MTRR: variants seen among roughly 807,000 people sequenced by gnomAD.
The protein encoded by MTRR is 5-methyltetrahydrofolate-homocysteine methyltransferase reductase.
Under a neutral mutation model 79.2 loss-of-function variants are expected in MTRR, and 63 were observed. The observed-to-expected ratio is 0.80, with a 90% CI of 0.65 to 0.98. The LOEUF (loss-of-function observed/expected upper bound fraction) is 0.98. MTRR is among the 50% of genes least tolerant of loss of function. The pLI, the probability that MTRR is intolerant of heterozygous loss-of-function variation, is 0.00. For synonymous variants in MTRR, 355 were observed against 313.3 expected (o/e 1.13, Z -1.41); for missense variants, 895 against 839.6 (o/e 1.07, Z -0.82).
At chr5:7,851,150 T>A, upstream of MTRR, 1 of 1,140,174 alleles carries the variant, frequency 8.8e-7, no homozygotes, top group Non-Finnish European at 1.1e-6. Flanking sequence ...GGTCGTTGCC[T>A]GGAAACCGCC....
intron 11 of MTRR, among the ~76,000 whole-genome samples, chr5:7,893,858 C>T (rs1219852907): frequency 2.0e-5 from 3 of 152,144 alleles, no homozygotes; most frequent in African/African-American, 7.2e-5. Flanking sequence ...CAGTCTGCTG[C>T]CTGGAACAGA....
intron 14 of MTRR, among the ~76,000 whole-genome samples, chr5:7,899,704 C>T (rs780350834): frequency 2.3e-4 from 35 of 152,130 alleles, no homozygotes; most frequent in Non-Finnish European, 3.5e-4. Flanking sequence ...GCTGTAGAAC[C>T]GTGTGGTCAG....
chr5:7,863,480 T>G (rs891750881), intron 2 of MTRR, among the ~76,000 whole-genome samples: 2 of 152,220 alleles, frequency 1.3e-5, no homozygotes, highest in African/African-American at 4.8e-5. Flanking sequence ...AAAATGCTCA[T>G]GAAGCATTCT....
In MTRR at chr5:7,889,165, G is replaced by A. The variant is rs1737126474; in HGVS notation, c.1217G>A (p.Ser406Asn). The stretch of plus-strand genomic sequence containing the variant: ...AAGCGCAGGCTACAGGAGCTGTGCA[G>A]TAAACAAGGGGCAGCCGATTATAGC... The part of the protein sequence containing the change: ...AEKRRLQELC[S>N]KQGAADYSRF... The change falls in exon 9 of 15, where the codon AGT becomes AAT. Residue 406 changes from serine (S) to asparagine (N), a missense_variant. Ser to Asn is a conservative substitution (Grantham distance 46, BLOSUM62 1). Transcript: ENST00000440940. The A allele has an allele frequency of 1.2e-6, 2 of 1,614,020 alleles. No homozygotes were observed. Among genetic ancestry groups the A allele is most frequent in the Non-Finnish European group, 8.5e-7 (1 of 1,180,050 alleles).
At chr5:7,898,979 G>A (rs919231013) in intron 14 of MTRR, among the ~76,000 whole-genome samples, 1 of 152,114 alleles carries the variant, frequency 6.6e-6, no homozygotes. Context: ...CCTGCTTCTG[G>A]TGAAGACCCC....
upstream of MTRR, chr5:7,866,897 A>G (rs570525633): frequency 6.2e-7 from 1 of 1,614,216 alleles, no homozygotes; most frequent in African/African-American, 1.3e-5. Flanking sequence ...TTGGCAAACA[A>G]AAGTTTCTGC....
Position 7,885,817 on chromosome 5 carries a change from C to T in MTRR, c.1020C>T (p.Cys340=), listed in dbSNP as rs201348649. 1.0e-4 allele frequency: 163 copies of T among 1,613,922 alleles called. 2 individuals carry two copies. The highest frequency in any genetic ancestry group is 2.2e-5 in the East Asian group (1 of 44,878). The part of the protein sequence containing the change: ...RLQLEDKREH[C]VLLKIKADTK... Reference sequence around the variant, plus strand: ...AGCTTGAAGATAAAAGAGAGCACTGCGTCCTTTTGAAAATAAAGGCAGACA... The same window carrying T: ...AGCTTGAAGATAAAAGAGAGCACTGTGTCCTTTTGAAAATAAAGGCAGACA... The change falls in exon 7 of 15, where the codon TGC becomes TGT. Residue 340 remains cysteine (C), a synonymous_variant. Coordinates refer to ENST00000440940, the MANE Select transcript of MTRR (RefSeq NM_002454.3).
intron 1 of MTRR, chr5:7,856,784 T>A (rs1186026647): frequency 6.6e-6 from 1 of 151,640 alleles, no homozygotes; most frequent in Admixed American, 6.6e-5. Flanking sequence ...ATTTTTTTTT[T>A]AGGAGGAACT....
chr5:7,867,023 G>A, upstream of MTRR: 2 of 1,614,150 alleles, frequency 1.2e-6, no homozygotes, highest in Non-Finnish European at 1.7e-6. Flanking sequence ...ATGCTCTAGG[G>A]CTTTTGTAAA....
At chr5:7,878,980 T>C (rs758907848) in intron 5 of MTRR, among the ~76,000 whole-genome samples, 4 of 152,244 alleles carry the variant, frequency 2.6e-5, no homozygotes, top group African/African-American at 4.8e-5. Flanking sequence ...TTTTTTTTAA[T>C]GAAGACAGAT....
Position 7,862,805 on chromosome 5 carries a change from A to G in MTRR, n.498+748A>G, listed in dbSNP as rs757289858. On this transcript the variant is annotated intron_variant and non_coding_transcript_variant, in intron 2 of 3. Coordinates refer to the MTRR transcript ENST00000502509. ...GGATGCTTAGGTTTAAAACAACAAA[A>G]CTCCTTATACTACTTACCTATTGTA... 9.4e-6 allele frequency: 15 copies of G among 1,592,962 alleles called. No individual in the cohort carries two copies. The African/African-American group carries it at 1.9e-4, about 20-fold the overall frequency.
upstream of MTRR, chr5:7,868,041 C>G (rs1433282889): frequency 6.2e-7 from 1 of 1,612,892 alleles, no homozygotes; most frequent in Non-Finnish European, 8.5e-7. Context: ...ATCTGAAAAT[C>G]AGATAAACGA....
intron 2 of MTRR, among the ~76,000 whole-genome samples, chr5:7,863,963 A>ACTCAGAGTCCAGAGTAGCTGGGACTAT (rs1746746404): frequency 6.6e-6 from 1 of 152,032 alleles, no homozygotes; most frequent in Non-Finnish European, 1.5e-5. Flanking sequence ...GATTCTCCTA[A>ACTCAGAGTCCAGAGTAGCTGGGACTAT]CTCAGAGTCC....
At chr5:7,869,004 G>T, upstream of MTRR, 2 of 1,052,812 alleles carry the variant, frequency 1.9e-6, no homozygotes, top group East Asian at 4.8e-5. Flanking sequence ...AATCACTCCG[G>T]GTGGTCGCGG....
intron 5 of MTRR, among the ~76,000 whole-genome samples, chr5:7,881,318 CCG>C (rs1735555278): frequency 6.6e-6 from 1 of 151,912 alleles, no homozygotes; most frequent in Non-Finnish European, 1.5e-5. Context: ...GCTTTAGTGG[CCG>C]AGTGTGTCGC....
intron 10 of MTRR, among the ~76,000 whole-genome samples, chr5:7,891,946 G>A (rs1472514820): frequency 1.3e-5 from 2 of 152,180 alleles, no homozygotes; most frequent in African/African-American, 2.4e-5. Flanking sequence ...GGAGGCTGAG[G>A]TGGGAGAATG....
At chr5:7,878,913 G>C (rs1180524752) in intron 5 of MTRR, among the ~76,000 whole-genome samples, 1 of 152,120 alleles carries the variant, frequency 6.6e-6, no homozygotes, top group Non-Finnish European at 1.5e-5. Flanking sequence ...GTTCCACATG[G>C]ACTTTTCTTA....
chr5:7,885,452 G>A (rs1211619608), intron 6 of MTRR, among the ~76,000 whole-genome samples: 1 of 151,986 alleles, frequency 6.6e-6, no homozygotes, highest in Non-Finnish European at 1.5e-5. Context: ...CTTTAAGTAT[G>A]ATAAAAGGCA....
At chr5:7,861,022 A>C in intron 1 of MTRR, 1 of 605,386 alleles carries the variant, frequency 1.7e-6, no homozygotes, top group East Asian at 2.8e-5. Context: ...CCAGTTCAAT[A>C]ATTGCTGCCT....
Sources: allele counts gnomAD v4.1 joint callset (sites outside exome capture counted in the v4.1 genomes callset), GRCh38; gene constraint gnomAD v4.1.1; transcripts MANE v1.5; gene names NCBI Gene and HGNC (gene_info 2026-07-23, HGNC 2026-07-21).